GRID2IP: variants seen among roughly 807,000 people sequenced by gnomAD.
The protein encoded by GRID2IP is Grid2 interacting protein.
In GRID2IP, 78 loss-of-function variants were observed where a neutral mutation model predicts 114.3. That is an observed-to-expected ratio of 0.68 (90% confidence interval 0.57 to 0.82). The LOEUF (loss-of-function observed/expected upper bound fraction) is 0.82. Ranked by LOEUF, GRID2IP falls within the 40% of genes least tolerant of loss-of-function variation. The probability of loss-of-function intolerance (pLI) is 0.00; values close to 1 mark genes in which losing one functional copy is unlikely to be tolerated. For missense variants in GRID2IP, 1,727 were observed against 1,678.5 expected (o/e 1.03, Z -0.51); for synonymous variants, 809 against 724.0 (o/e 1.12, Z -1.89).
At chr7:6,538,867 C>G (rs1399978668) in intron 2 of GRID2IP, among the ~76,000 whole-genome samples, 1 of 151,878 alleles carries the variant, frequency 6.6e-6, no homozygotes, top group Non-Finnish European at 1.5e-5. Flanking sequence ...GAGTGAGACT[C>G]TGTCTGAAAA....
chr7:6,500,178 G>T (rs1583330469), intron 20 of GRID2IP, among the ~76,000 whole-genome samples: 1 of 152,084 alleles, frequency 6.6e-6, no homozygotes, highest in East Asian at 1.9e-4. Flanking sequence ...AAAACATCTG[G>T]GTGGGCCGGG....
chr7:6,551,072 C>A lies in GRID2IP; in HGVS notation c.365G>T (p.Gly122Val), dbSNP rs921798611. 1.5e-6 allele frequency: 2 copies of A among 1,310,544 alleles called. No individual in the cohort carries two copies. Among genetic ancestry groups the A allele is most frequent in the African/African-American group, 1.5e-5 (1 of 64,640 alleles). The allele number at this position is 1,310,544 out of a possible 1,614,324, so 81.2% of individuals were successfully genotyped here. ...GTGCACCGCGTCCGGGCGCTTGCGGCCGGCCAGGCGAAGCAGCTCACGGCC... is the reference window on the plus strand; with the variant it reads ...GTGCACCGCGTCCGGGCGCTTGCGGACGGCCAGGCGAAGCAGCTCACGGCC... ...ALGRELLRLAGRKRPDAVHRE... is the reference protein window; with the variant it reads ...ALGRELLRLAVRKRPDAVHRE... Residue 122 changes from glycine (G) to valine (V), a missense_variant, in exon 1 of 22, where the codon GGC becomes GTC. Transcript: ENST00000457091.
At position 6,502,133 on chromosome 7, in the gene GRID2IP, C is replaced by G; in HGVS notation, c.3151-15G>C. On this transcript the variant is annotated splice_polypyrimidine_tract_variant and intron_variant, in intron 18 of 21. Coordinates refer to ENST00000457091, the MANE Select transcript of GRID2IP (RefSeq NM_001145118.2). Reference sequence around the variant, plus strand: ...GTGGAGTTCAGCTGCAAGTGACCCCCAATATACATTCCCGTCAAGGACCCC... The same window carrying G: ...GTGGAGTTCAGCTGCAAGTGACCCCGAATATACATTCCCGTCAAGGACCCC... 1.3e-6 allele frequency: 2 copies of G among 1,550,734 alleles called. No homozygotes were observed. The highest frequency in any genetic ancestry group is 2.7e-5 in the African/African-American group (2 of 73,084).
intron 1 of GRID2IP, among the ~76,000 whole-genome samples, chr7:6,547,494 G>C (rs1274652394): frequency 2.0e-5 from 3 of 152,048 alleles, no homozygotes; most frequent in Non-Finnish European, 4.4e-5. Context: ...GCTGTAGTGA[G>C]CTATGATTGT....
At chr7:6,515,453 T>G (rs1032606221) in intron 7 of GRID2IP, among the ~76,000 whole-genome samples, 1 of 149,388 alleles carries the variant, frequency 6.7e-6, no homozygotes, top group African/African-American at 2.5e-5. Flanking sequence ...AGAGCAAGAC[T>G]CTGTCTCAAA....
At chr7:6,543,759 G>A (rs1163348376) in intron 1 of GRID2IP, among the ~76,000 whole-genome samples, 4 of 151,866 alleles carry the variant, frequency 2.6e-5, no homozygotes, top group Middle Eastern at 6.8e-3. Context: ...ACAGGTGCAC[G>A]CCACTGTGCT....
Position 6,507,777 on chromosome 7 carries a change from T to A in GRID2IP, c.2544+208A>T, listed in dbSNP as rs1786637139. On this transcript the variant is annotated intron_variant, in intron 13 of 21. Transcript: ENST00000457091. This position sits in a 1 kb window ranked among gnomAD's most constrained non-coding sequence, Gnocchi z 5.3. ...GGCATTTCCAGGTGTCCCCAGTGTG[T>A]GTCTTTGGCTGAGGGACACAGATTG... is the stretch of plus-strand genomic sequence containing the variant. 6.6e-6 allele frequency among the ~76,000 whole-genome samples: 1 copy of A among 152,234 alleles called. No individual in the cohort carries two copies.
rs541391378 is a variant in GRID2IP, at chr7:6,536,197, C to A, written c.584+3521G>T. On this transcript the variant is annotated intron_variant, in intron 2 of 21. Coordinates refer to ENST00000457091, the MANE Select transcript of GRID2IP (RefSeq NM_001145118.2). This position sits in a 1 kb window ranked among gnomAD's most constrained non-coding sequence, Gnocchi z 5.3. ...GGGAAGTAGGGGGTTTGAAGAGGTG[C>A]GGGGTGGCTGAAGCCCTACTGCCAG... Among the ~76,000 whole-genome samples, 2 of 152,232 alleles carry A rather than the reference C, an allele frequency of 1.3e-5. No individual in the cohort carries two copies. Among genetic ancestry groups the A allele is most frequent in the East Asian group, 3.9e-4 (2 of 5,180 alleles).
intron 20 of GRID2IP, among the ~76,000 whole-genome samples, chr7:6,501,383 TAAA>T (rs1786411343): frequency 6.6e-6 from 1 of 150,432 alleles, no homozygotes; most frequent in Non-Finnish European, 1.5e-5. Flanking sequence ...AACAAACAAA[TAAA>T]TAAATAAATA....
intron 2 of GRID2IP, among the ~76,000 whole-genome samples, chr7:6,529,612 C>T (rs992527345): frequency 6.6e-6 from 1 of 152,200 alleles, no homozygotes; most frequent in Admixed American, 6.5e-5. Context: ...CTCCTGCTGG[C>T]CCTCCATGCA....
intron 7 of GRID2IP, among the ~76,000 whole-genome samples, chr7:6,517,220 A>T (rs894349143): frequency 6.8e-6 from 1 of 146,916 alleles, no homozygotes; most frequent in East Asian, 2.0e-4. Flanking sequence ...ACGCCCGGCT[A>T]TTTTTTTTTT....
At chr7:6,515,333 G>A (rs1049067032) in intron 7 of GRID2IP, among the ~76,000 whole-genome samples, 1 of 151,992 alleles carries the variant, frequency 6.6e-6, no homozygotes, top group African/African-American at 2.4e-5. Context: ...GTGGTGGCAT[G>A]TACCCTCAGT....
intron 8 of GRID2IP, among the ~76,000 whole-genome samples, chr7:6,512,320 C>T (rs1417765146): frequency 7.0e-6 from 1 of 143,460 alleles, no homozygotes; most frequent in Non-Finnish European, 1.5e-5. Context: ...ATCCCAGGCT[C>T]AACAGATCCT....
At position 6,509,197 on chromosome 7, in the gene GRID2IP, A is replaced by G; in HGVS notation, c.1888T>C (p.Tyr630His). The stretch of plus-strand genomic sequence containing the variant: ...GCCCTGCTGCTGTCCAGGCTGGCGT[A>G]GGGGTGGGACTCAGAGCTGCTGGGG... ...ASPSSSESHP[Y>H]ASLDSSRAPS... The change falls in exon 12 of 22, where the codon TAC becomes CAC. Residue 630 changes from tyrosine to histidine, a missense_variant. Transcript: ENST00000457091. The surrounding 1 kb of genome is among the most constrained non-coding windows in gnomAD (Gnocchi z 4.9). 1 of 1,485,150 alleles carries G rather than the reference A, an allele frequency of 6.7e-7. No individual in the cohort carries two copies. The highest frequency in any genetic ancestry group is 9.0e-7 in the Non-Finnish European group (1 of 1,114,650). The allele number at this position is 1,485,150 out of a possible 1,614,324, so 92.0% of individuals were successfully genotyped here.
rs1232948340 is a variant in GRID2IP at position 6,508,800 on chromosome 7, T to G, written c.2127+158A>C. On this transcript the variant is annotated intron_variant, in intron 12 of 21. Coordinates refer to ENST00000457091, the MANE Select transcript of GRID2IP (RefSeq NM_001145118.2). The surrounding 1 kb of genome is among the most constrained non-coding windows in gnomAD (Gnocchi z 5.6). ...ACCTTGAACAGGAGATAGGGTAACC[T>G]GGGGCAAGGGGTGGGATAGCTTGAG... Among the ~76,000 whole-genome samples the G allele has an allele frequency of 6.6e-6, 1 of 151,930 alleles. No individual in the cohort carries two copies. The highest frequency in any genetic ancestry group is 2.4e-5 in the African/African-American group (1 of 41,338).
At chr7:6,546,228 C>T (rs1229714954) in intron 1 of GRID2IP, among the ~76,000 whole-genome samples, 1 of 151,204 alleles carries the variant, frequency 6.6e-6, no homozygotes, top group Non-Finnish European at 1.5e-5. Context: ...AAGGCAGAGG[C>T]AGGTGGATCA....
In GRID2IP at chr7:6,526,361, G is replaced by A; in HGVS notation, c.834-52C>T. ...CATGATGGAGAGGGGGCCCTGGGGC[G>A]CAGAGGTTGGAGATGTCCCGTGTCC... On this transcript the variant is annotated intron_variant, in intron 3 of 21. Transcript: ENST00000457091. This position sits in a 1 kb window ranked among gnomAD's most constrained non-coding sequence, Gnocchi z 7.6. 6.6e-7 allele frequency: 1 copy of A among 1,522,670 alleles called. No homozygotes were observed. Among genetic ancestry groups the A allele is most frequent in the Admixed American group, 2.0e-5 (1 of 50,944 alleles). 94.3% of individuals were successfully genotyped at this position (1,522,670 alleles called of 1,614,324 possible).
At position 6,548,377 on chromosome 7, in the gene GRID2IP, G is replaced by C. The variant is rs140078541; in HGVS notation, c.429+2631C>G. 3.9e-3 allele frequency among the ~76,000 whole-genome samples: 594 copies of C among 152,144 alleles called. 4 individuals are homozygous for C. Among genetic ancestry groups the C allele is most frequent in the African/African-American group, 0.014 (575 of 41,518 alleles). ...AAAAAAATAAATACAAACTTAAACG[G>C]TGTAGATGGATTGTTTATAACTCAA... On this transcript the variant is annotated intron_variant, in intron 1 of 21. Coordinates refer to ENST00000457091, the MANE Select transcript of GRID2IP (RefSeq NM_001145118.2).
In GRID2IP at chr7:6,507,506, G is replaced by A. The variant is rs943899308; in HGVS notation, c.2544+479C>T. 6.6e-6 allele frequency among the ~76,000 whole-genome samples: 1 copy of A among 152,226 alleles called. No individual in the cohort carries two copies. The highest frequency in any genetic ancestry group is 2.1e-4 in the South Asian group (1 of 4,836). ...GGGCATGGGAATCCTGGGGAGACAA[G>A]ATTTCAGAGCAAGACAAAGGATGGT... On this transcript the variant is annotated intron_variant, in intron 13 of 21. Coordinates refer to ENST00000457091, the MANE Select transcript of GRID2IP (RefSeq NM_001145118.2). This position sits in a 1 kb window ranked among gnomAD's most constrained non-coding sequence, Gnocchi z 5.3.
Sources: allele counts gnomAD v4.1 joint callset (sites outside exome capture counted in the v4.1 genomes callset), GRCh38; gene constraint gnomAD v4.1.1; non-coding constraint Gnocchi (gnomAD v3.1); transcripts MANE v1.5; gene names NCBI Gene and HGNC (gene_info 2026-07-23, HGNC 2026-07-21).